LARS1: variants seen among roughly 807,000 people sequenced by gnomAD.
LARS1 encodes leucyl-tRNA synthetase 1, also known as leucine--tRNA ligase, cytoplasmic.
In LARS1, 100 loss-of-function variants were observed where a neutral mutation model predicts 162.8. The ratio of observed to expected loss-of-function variants is 0.61; its 90% confidence interval spans 0.52 to 0.73. LARS1 has a LOEUF of 0.73. LARS1 is among the 30% of genes least tolerant of loss of function. The pLI is 0.00. For synonymous variants in LARS1, 457 were observed against 462.8 expected (o/e 0.99, Z 0.16); for missense variants, 1,258 against 1,408.9 (o/e 0.89, Z 1.71).
Position 146,160,496 on chromosome 5 carries a change from G to T in LARS1, c.595-10C>A. 6.8e-7 allele frequency: 1 copy of T among 1,466,376 alleles called. No individual in the cohort carries two copies. The highest frequency in any genetic ancestry group is 1.4e-5 in the South Asian group (1 of 73,502). 90.8% of individuals were successfully genotyped at this position (1,466,376 alleles called of 1,614,324 possible). A position where few individuals can be genotyped will look rare whatever the true frequency, so the allele number is the denominator to read the frequency against. ...AACGACGCCAGTCTACCTATAAAAGGAAAATTTTAAAAGGCAATTACTGAG... is the reference window on the plus strand; with the variant it reads ...AACGACGCCAGTCTACCTATAAAAGTAAAATTTTAAAAGGCAATTACTGAG... On this transcript the variant is annotated splice_polypyrimidine_tract_variant and intron_variant, in intron 6 of 31. Coordinates refer to ENST00000394434, the MANE Select transcript of LARS1 (RefSeq NM_020117.11).
intron 27 of LARS1, among the ~76,000 whole-genome samples, chr5:146,127,848 A>C (rs953245169): frequency 1.3e-5 from 2 of 152,096 alleles, no homozygotes; most frequent in Non-Finnish European, 2.9e-5. Context: ...TTTTCTTAGC[A>C]TTTCTTAATT....
chr5:146,157,231 G>A (rs1269608952), intron 10 of LARS1, among the ~76,000 whole-genome samples, 172 bp downstream of exon 10: 2 of 152,144 alleles, frequency 1.3e-5, no homozygotes, highest in Admixed American at 6.5e-5. Context: ...TTTAGGTGGT[G>A]TTTACGTAAG....
chr5:146,177,101 C>G (rs985430817), intron 2 of LARS1, among the ~76,000 whole-genome samples: 1 of 152,110 alleles, frequency 6.6e-6, no homozygotes, highest in East Asian at 1.9e-4. Context: ...CTGTTTCAGG[C>G]ATTATAAATA....
chr5:146,132,837 A>C, intron 23 of LARS1, 61 bp downstream of exon 23: 1 of 1,311,966 alleles, frequency 7.6e-7, no homozygotes, highest in Non-Finnish European at 1.0e-6. Flanking sequence ...GAAAAAGAAA[A>C]CAAAAATGCA....
Position 146,131,030 on chromosome 5 carries a change from A to G in LARS1, c.2476T>C (p.Phe826Leu). 1 of 1,581,942 alleles carries G rather than the reference A, an allele frequency of 6.3e-7. No individual in the cohort carries two copies. The highest frequency in any genetic ancestry group is 8.6e-7 in the Non-Finnish European group (1 of 1,158,240). Residue 826 changes from phenylalanine to leucine, a missense_variant, in exon 24 of 32, where the codon TTT (phenylalanine) becomes CTT (leucine). Coordinates refer to ENST00000394434, the MANE Select transcript of LARS1 (RefSeq NM_020117.11). ...MFKEALKTGF[F>L]EFQAAKDKYR... ...AATCAACAGCCTACCTGAAACTCAA[A>G]AAACCCTGTTTTCAAAGCTTCTTTA... is the stretch of plus-strand genomic sequence containing the variant.
At chr5:146,149,386 T>A (rs75082243) in intron 15 of LARS1, among the ~76,000 whole-genome samples, 1 of 152,306 alleles carries the variant, frequency 6.6e-6, no homozygotes, top group African/African-American at 2.4e-5. Flanking sequence ...AGAAATATCA[T>A]CAAAGTTCTC....
chr5:146,174,941 T>TG lies in LARS1; in HGVS notation c.126-2168dup, dbSNP rs759119105. ...TCTACAAAAGAAATTTTTTCAATGC[T>TG]GGGTGCAGTGGCCCATGCCTATAAT... On this transcript the variant is annotated intron_variant, in intron 2 of 31. Coordinates refer to ENST00000394434, the MANE Select transcript of LARS1 (RefSeq NM_020117.11). Among the ~76,000 whole-genome samples the TG allele has an allele frequency of 2.1e-4, 32 of 152,126 alleles. No individual in the cohort carries two copies. In the East Asian group the frequency reaches 4.8e-3, roughly 23 times the overall value.
At chr5:146,128,276 C>G (rs1752123926) in intron 27 of LARS1, among the ~76,000 whole-genome samples, 1 of 151,856 alleles carries the variant, frequency 6.6e-6, no homozygotes, top group Admixed American at 6.6e-5. Context: ...AACAAGGTTA[C>G]GATTTGAAAT....
chr5:146,117,188 T>C (rs1307847978), intron 31 of LARS1, among the ~76,000 whole-genome samples: 1 of 152,164 alleles, frequency 6.6e-6, no homozygotes, highest in Non-Finnish European at 1.5e-5. Flanking sequence ...AGGAAATACA[T>C]TTCAGTACAA....
At chr5:146,143,717 G>A (rs1752889130) in intron 18 of LARS1, among the ~76,000 whole-genome samples, 167 bp from the exon 19 acceptor site, 1 of 152,120 alleles carries the variant, frequency 6.6e-6, no homozygotes, top group Non-Finnish European at 1.5e-5. Flanking sequence ...AGACAAAATG[G>A]GCCAGGCATG....
intron 1 of LARS1, 70 bp from the exon 2 acceptor site, chr5:146,177,735 C>A: frequency 1.5e-6 from 1 of 667,046 alleles, no homozygotes; most frequent in Non-Finnish European, 2.5e-6. Flanking sequence ...ATTGGGTTCA[C>A]AGAACTGAGC....
chr5:146,147,810 T>C (rs1753081172), intron 15 of LARS1, among the ~76,000 whole-genome samples: 1 of 152,104 alleles, frequency 6.6e-6, no homozygotes, highest in African/African-American at 2.4e-5. Context: ...AGTTTTCAGA[T>C]TGAAGGAGCC....
intron 23 of LARS1, 26 bp downstream of exon 23, chr5:146,132,872 C>T: frequency 6.3e-7 from 1 of 1,580,178 alleles, no homozygotes; most frequent in African/African-American, 1.4e-5. Flanking sequence ...CTCTAAAACA[C>T]AAAATGATTG....
intron 28 of LARS1, among the ~76,000 whole-genome samples, chr5:146,125,299 G>T (rs1412151503): frequency 1.3e-5 from 2 of 151,900 alleles, no homozygotes; most frequent in African/African-American, 4.8e-5. Flanking sequence ...ATACCCTGAG[G>T]ATCAAATAGT....
chr5:146,182,346 G>A, intron 1 of LARS1, 142 bp downstream of exon 1: 2 of 1,071,228 alleles, frequency 1.9e-6, no homozygotes, highest in Middle Eastern at 2.0e-4. Context: ...GCAAGAAAAA[G>A]CAAAGTCTCT....
rs1325178800 is a variant in LARS1 at position 146,157,459 on chromosome 5, G to T, written c.1009C>A (p.Gln337Lys). 1.2e-6 allele frequency: 2 copies of T among 1,614,094 alleles called. No homozygotes were observed. Among genetic ancestry groups the T allele is most frequent in the Admixed American group, 3.3e-5 (2 of 60,020 alleles). The change falls in exon 10 of 32, where the codon CAG (glutamine) becomes AAG (lysine). Residue 337 changes from glutamine to lysine, a missense_variant. Physicochemically the swap from Gln to Lys is moderately conservative, Grantham distance 53. Coordinates refer to ENST00000394434, the MANE Select transcript of LARS1 (RefSeq NM_020117.11). ...ACGCCATTGTCTTTGGTAAAGCCCT[G>T]GTATGACATATTCCTGGCTGCTTTT... is the stretch of plus-strand genomic sequence containing the variant. ...TQKAARNMSY[Q>K]GFTKDNGVVP...
Position 146,144,299 on chromosome 5 carries a change from T to C in LARS1, c.1706A>G (p.Gln569Arg). The stretch of plus-strand genomic sequence containing the variant: ...ATAAGTTCTTGAGCAAGCATGTTCT[T>C]GTAGCCAACCTAAGGTGGCTTCAAA... ...RNFEATLGWLQEHACSRTYGL... is the reference protein window; with the variant it reads ...RNFEATLGWLREHACSRTYGL... The change falls in exon 18 of 32, where the codon CAA becomes CGA. Residue 569 changes from glutamine to arginine, a missense_variant. Physicochemically the swap from Gln to Arg is conservative, Grantham distance 43. Transcript: ENST00000394434. 1 of 1,613,280 alleles carries C rather than the reference T, an allele frequency of 6.2e-7. No homozygotes were observed. The highest frequency in any genetic ancestry group is 1.1e-5 in the South Asian group (1 of 90,802).
Position 146,133,050 on chromosome 5 carries a change from G to C in LARS1, c.2244C>G (p.Asp748Glu), listed in dbSNP as rs1451745977. Residue 748 changes from aspartate to glutamate, a missense_variant, in exon 23 of 32, where the codon GAC (aspartate) becomes GAG (glutamate). Transcript: ENST00000394434. The part of the protein sequence containing the change: ...GMRLALADAG[D>E]TVEDANFVEA... Reference sequence around the variant, plus strand: ...CCACAAAGTTGGCATCTTCTACAGTGTCACCAGCATCAGCCAGAGCCAAAC... The same window carrying C: ...CCACAAAGTTGGCATCTTCTACAGTCTCACCAGCATCAGCCAGAGCCAAAC... 1.8e-5 allele frequency: 29 copies of C among 1,613,788 alleles called. No homozygotes were observed. The highest frequency in any genetic ancestry group is 2.5e-5 in the Non-Finnish European group (29 of 1,179,890).
chr5:146,144,241 A>G lies in LARS1; in HGVS notation c.1738+26T>C, dbSNP rs776955817. The G allele has an allele frequency of 1.9e-6, 3 of 1,561,812 alleles. No individual in the cohort carries two copies. The South Asian group carries it at 3.5e-5, about 18-fold the overall frequency. On this transcript the variant is annotated intron_variant, in intron 18 of 31. Coordinates refer to ENST00000394434, the MANE Select transcript of LARS1 (RefSeq NM_020117.11). ...TCTGTGTAACTGGCAAAGTTATCCA[A>G]ACAGAAAAATTTCAAGTTTGTTTAC... is the stretch of plus-strand genomic sequence containing the variant.
Sources: allele counts gnomAD v4.1 joint callset (sites outside exome capture counted in the v4.1 genomes callset), GRCh38; gene constraint gnomAD v4.1.1; transcripts MANE v1.5; gene names NCBI Gene and HGNC (gene_info 2026-07-23, HGNC 2026-07-21).